Variants in AUTS2 observed in about 807,000 individuals in gnomAD.
AUTS2 encodes the protein activator of transcription and developmental regulator AUTS2.
Under a neutral mutation model 112.4 loss-of-function variants are expected in AUTS2, and 17 were observed. That is an observed-to-expected ratio of 0.15 (90% confidence interval 0.10 to 0.23). AUTS2 has a LOEUF of 0.23. Among genes scored for constraint, AUTS2 ranks in the 10% least tolerant of loss-of-function variants. The pLI, the probability that AUTS2 is intolerant of heterozygous loss-of-function variation, is 1.00. For synonymous variants in AUTS2, 751 were observed against 702.7 expected (o/e 1.07, Z -1.09); for missense variants, 1,510 against 1,701.6 (o/e 0.89, Z 1.98).
At chr7:70,768,936 G>A (rs12673908) in intron 10 of AUTS2, among the ~76,000 whole-genome samples, 43,438 of 142,914 alleles carry the variant, frequency 0.3, 6,757 homozygotes, top group East Asian at 0.42. Context: ...GCTTGTAGCC[G>A]TGTTGATTCA....
Position 70,549,032 on chromosome 7 carries a change from AC to A in AUTS2, c.690+113254del, listed in dbSNP as rs372338232. On this transcript the variant is annotated intron_variant, in intron 5 of 18. Coordinates refer to ENST00000342771, the MANE Select transcript of AUTS2 (RefSeq NM_015570.4). ...CTTTTTAACAATATTGAGTCTTCTC[AC>A]CCTTGAAGACAGAATATCTCTTCGT... Among the ~76,000 whole-genome samples, 289 of 151,758 alleles carry A rather than the reference AC, an allele frequency of 1.9e-3. 4 individuals carry two copies. Among genetic ancestry groups the A allele is most frequent in the African/African-American group, 6.8e-3 (280 of 41,380 alleles).
chr7:70,281,060 A>G (rs962741432), intron 4 of AUTS2, among the ~76,000 whole-genome samples: 1 of 152,044 alleles, frequency 6.6e-6, no homozygotes, highest in Non-Finnish European at 1.5e-5. Flanking sequence ...GGAAAGTGAT[A>G]ATGAATGAAT....
chr7:69,980,592 T>A (rs993368072), intron 2 of AUTS2, among the ~76,000 whole-genome samples: 1 of 151,832 alleles, frequency 6.6e-6, no homozygotes, highest in Admixed American at 6.6e-5. Context: ...AGCTTGAAAC[T>A]GTTAAAAAAA....
chr7:69,978,682 T>TA (rs1468877661), intron 2 of AUTS2, among the ~76,000 whole-genome samples: 1 of 151,790 alleles, frequency 6.6e-6, no homozygotes, highest in Non-Finnish European at 1.5e-5. Flanking sequence ...TTATAAAAAA[T>TA]AAAAAAATAA....
chr7:69,723,721 G>A (rs1033547525), intron 1 of AUTS2, among the ~76,000 whole-genome samples: 2 of 152,196 alleles, frequency 1.3e-5, no homozygotes, highest in Non-Finnish European at 2.9e-5. Flanking sequence ...TGTTTAACTA[G>A]TAGAAGTCAG....
At chr7:70,729,089 G>A (rs1321848505) in intron 6 of AUTS2, 2 of 451,736 alleles carry the variant, frequency 4.4e-6, no homozygotes, top group Non-Finnish European at 8.9e-6. Flanking sequence ...CTGCTCTTGA[G>A]AACAGCCATT....
intron 1 of AUTS2, among the ~76,000 whole-genome samples, chr7:69,897,609 A>G (rs972591999): frequency 2.0e-5 from 3 of 151,838 alleles, no homozygotes; most frequent in Non-Finnish European, 2.9e-5. Context: ...AACAAAAAAA[A>G]TGGCTGGGTA....
chr7:70,506,219 G>T (rs1223873343), intron 5 of AUTS2, among the ~76,000 whole-genome samples: 1 of 152,200 alleles, frequency 6.6e-6, no homozygotes, highest in African/African-American at 2.4e-5. Context: ...GGAGAGGAGA[G>T]AAAGAGCAGG....
At chr7:70,524,130 C>T (rs141435458) in intron 5 of AUTS2, among the ~76,000 whole-genome samples, 91 of 152,320 alleles carry the variant, frequency 6.0e-4, no homozygotes, top group African/African-American at 2.0e-3. Flanking sequence ...GATGCCAAGA[C>T]CATTTATCTA....
At chr7:70,519,024 A>G (rs919632384) in intron 5 of AUTS2, among the ~76,000 whole-genome samples, 1 of 151,912 alleles carries the variant, frequency 6.6e-6, no homozygotes. Context: ...ACCTCTTTTC[A>G]CCCATGTAGT....
In AUTS2 at chr7:70,625,748, C is replaced by T. The variant is rs913989801; in HGVS notation, c.691-72821C>T. Among the ~76,000 whole-genome samples, 4 of 152,270 alleles carry T rather than the reference C, an allele frequency of 2.6e-5. No homozygotes were observed. The East Asian group carries it at 7.7e-4, about 29-fold the overall frequency. ...AAATGACATGATATGTGATAGACCA[C>T]GTACATTCGTGGCTATAGATAGGTG... On this transcript the variant is annotated intron_variant, in intron 5 of 18. Coordinates refer to ENST00000342771, the MANE Select transcript of AUTS2 (RefSeq NM_015570.4).
chr7:69,969,064 A>G (rs1004257567), intron 2 of AUTS2, among the ~76,000 whole-genome samples: 1 of 151,816 alleles, frequency 6.6e-6, no homozygotes, highest in African/African-American at 2.4e-5. Context: ...TTTTTTTCTC[A>G]GTAGATTACT....
chr7:69,687,054 T>C (rs1797093335), intron 1 of AUTS2, among the ~76,000 whole-genome samples: 1 of 152,202 alleles, frequency 6.6e-6, no homozygotes, highest in Non-Finnish European at 1.5e-5. Context: ...GTTGGGCTTA[T>C]TCTATCTATG....
intron 4 of AUTS2, among the ~76,000 whole-genome samples, chr7:70,162,019 A>G (rs1336560326): frequency 6.6e-6 from 1 of 152,166 alleles, no homozygotes; most frequent in Non-Finnish European, 1.5e-5. Flanking sequence ...TGAAGGATTA[A>G]CGGCCTCTGA....
intron 2 of AUTS2, among the ~76,000 whole-genome samples, chr7:69,902,736 C>G (rs765839533): frequency 6.6e-6 from 1 of 152,110 alleles, no homozygotes; most frequent in Non-Finnish European, 1.5e-5. Context: ...GTTCTAAAAC[C>G]AAACTGCTTA....
At chr7:70,504,352 A>G (rs1178400294) in intron 5 of AUTS2, among the ~76,000 whole-genome samples, 1 of 150,942 alleles carries the variant, frequency 6.6e-6, no homozygotes, top group Non-Finnish European at 1.5e-5. Flanking sequence ...ACAATCAGAG[A>G]CCTCTGTTGA....
chr7:70,083,136 T>A (rs919414529), intron 2 of AUTS2, among the ~76,000 whole-genome samples: 1 of 152,162 alleles, frequency 6.6e-6, no homozygotes, highest in African/African-American at 2.4e-5. Context: ...CTTTCCCTGA[T>A]GATTGTTTTT....
intron 5 of AUTS2, chr7:70,436,051 CA>C: frequency 2.7e-6 from 1 of 365,308 alleles, no homozygotes; most frequent in Non-Finnish European, 4.9e-6. Flanking sequence ...CTCATAGACT[CA>C]AAAACATTTT....
intron 6 of AUTS2, among the ~76,000 whole-genome samples, chr7:70,734,388 C>T (rs540692584): frequency 1.3e-5 from 2 of 151,588 alleles, no homozygotes; most frequent in African/African-American, 4.8e-5. Context: ...TGCAGTGAGC[C>T]AAGATCGCGC....
Sources: gnomAD v4.1 joint callset for allele counts (sites outside exome capture counted in the v4.1 genomes callset) on GRCh38, gnomAD v4.1.1 for gene constraint, MANE v1.5 for transcripts, NCBI Gene and HGNC (gene_info 2026-07-23, HGNC 2026-07-21) for gene names.